MST1R: variants seen among roughly 807,000 people sequenced by gnomAD.
MST1R encodes the protein macrophage-stimulating protein receptor.
In MST1R, 99 loss-of-function variants were observed where a neutral mutation model predicts 117.8. The ratio of observed to expected loss-of-function variants is 0.84; its 90% CI spans 0.71 to 0.99. The LOEUF is 0.99. Among genes scored for constraint, MST1R ranks in the 50% least tolerant of loss-of-function variants. MST1R has a pLI of 0.00. For missense variants in MST1R, 1,683 were observed against 1,840.2 expected, an observed-to-expected ratio of 0.91 and a Z score of 1.56; for synonymous variants, 734 against 765.3, an observed-to-expected ratio of 0.96 and a Z score of 0.68.
At chr3:49,888,515 T>C (rs1409634704) in intron 19 of MST1R, among the ~76,000 whole-genome samples, 2 of 149,612 alleles carry the variant, frequency 1.3e-5, no homozygotes, top group East Asian at 3.9e-4. Context: ...GGTAGGAGAA[T>C]CACTTGAACC....
chr3:49,892,176 G>A (rs184415829), intron 14 of MST1R, among the ~76,000 whole-genome samples: 145 of 151,698 alleles, frequency 9.6e-4, no homozygotes, highest in Non-Finnish European at 1.9e-3. Flanking sequence ...ATGTTGGCCA[G>A]GCTGGTCTCA....
chr3:49,894,731 T>A (rs2082413172), intron 14 of MST1R, among the ~76,000 whole-genome samples: 1 of 151,746 alleles, frequency 6.6e-6, no homozygotes, highest in Non-Finnish European at 1.5e-5. Context: ...CTCAGAGAGG[T>A]TAAGTGGTAT....
At position 49,890,044 on chromosome 3, in the gene MST1R, A is replaced by G; in HGVS notation, c.3827T>C (p.Leu1276Pro). The change falls in exon 19 of 20, where the codon CTG becomes CCG. Residue 1276 changes from leucine to proline, a missense_variant. Physicochemically the swap from Leu to Pro is moderately conservative, Grantham distance 98 (BLOSUM62 -3). Coordinates refer to ENST00000296474, the MANE Select transcript of MST1R (RefSeq NM_002447.4). ...ACCCCGTGTCAGCAGTTCCCACAGC[A>G]GCACACCAAATGACCACTGTGGAAA... is the stretch of plus-strand genomic sequence containing the variant. ...TKSDVWSFGV[L>P]LWELLTRGAP... is the part of the protein sequence containing the mutation. 6.2e-7 allele frequency: 1 copy of G among 1,608,846 alleles called. No individual in the cohort carries two copies. Among genetic ancestry groups the G allele is most frequent in the Non-Finnish European group, 8.5e-7 (1 of 1,177,326 alleles).
In MST1R at chr3:49,903,086, G is replaced by A. The variant is rs751022406; in HGVS notation, c.524C>T (p.Pro175Leu). 2 of 1,607,694 alleles carry A rather than the reference G, an allele frequency of 1.2e-6. No individual in the cohort carries two copies. The highest frequency in any genetic ancestry group is 1.3e-5 in the African/African-American group (1 of 75,078). ...SAHHNRPDDC[P>L]DCVASPLGTR... ...GCCCAATGGGCTGGCCACACAGTCG[G>A]GGCAGTCATCGGGCCGGTTATGGTG... Residue 175 changes from proline to leucine, a missense_variant, in exon 1 of 20, where the codon CCC (proline) becomes CTC (leucine). Coordinates refer to ENST00000296474, the MANE Select transcript of MST1R (RefSeq NM_002447.4).
chr3:49,892,312 C>T (rs2082338925), intron 14 of MST1R, among the ~76,000 whole-genome samples: 1 of 151,724 alleles, frequency 6.6e-6, no homozygotes, highest in African/African-American at 2.4e-5. Flanking sequence ...GTGGCTCACA[C>T]CTGTAATGCC....
At chr3:49,902,166 A>G (rs1413345298) in intron 1 of MST1R, among the ~76,000 whole-genome samples, 4 of 152,184 alleles carry the variant, frequency 2.6e-5, no homozygotes, top group Non-Finnish European at 4.4e-5. Context: ...TGAGGCAGCC[A>G]CAAGGGCCAG....
chr3:49,898,759 C>T (rs1313576978), intron 3 of MST1R, 71 bp from the exon 4 acceptor site: 1 of 1,604,912 alleles, frequency 6.2e-7, no homozygotes, highest in African/African-American at 1.3e-5. Flanking sequence ...CCTCCCGGTA[C>T]ACAGTAGGCT....
rs1409583930 is a variant in MST1R, at chr3:49,891,472, T to C, written c.3461A>G (p.Glu1154Gly). Residue 1154 changes from glutamate to glycine, a missense_variant, in exon 16 of 20, where the codon GAG (glutamate) becomes GGG (glycine). Glu to Gly is a moderately conservative substitution (Grantham distance 98, BLOSUM62 -2). Transcript: ENST00000296474. Reference protein sequence around the residue: ...LALIGIMLPPEGLPHVLLPYM... With the variant: ...LALIGIMLPPGGLPHVLLPYM... ...GGGCAGCAGCACATGGGGCAGGCCC[T>C]CAGGTGGCAACATGATACCAATGAG... is the stretch of plus-strand genomic sequence containing the variant. The C allele has an allele frequency of 6.2e-7, 1 of 1,613,954 alleles. No homozygotes were observed. Among genetic ancestry groups the C allele is most frequent in the Non-Finnish European group, 8.5e-7 (1 of 1,180,014 alleles).
Position 49,896,876 on chromosome 3 carries a change from T to G in MST1R, c.2198A>C (p.Gln733Pro), listed in dbSNP as rs960893823. Reference protein sequence around the residue: ...ECLLARVSEGQLLCATPPGAT... With the variant: ...ECLLARVSEGPLLCATPPGAT... ...CCCAGGGGGTGTGGCACATAAAAGC[T>G]GCCCCTCACTGACCCTACAGGAACA... Residue 733 changes from glutamine (Q) to proline (P), a missense_variant, in exon 8 of 20, where the codon CAG becomes CCG. Physicochemically the swap from Gln to Pro is moderately conservative, Grantham distance 76 (BLOSUM62 -1). Coordinates refer to ENST00000296474, the MANE Select transcript of MST1R (RefSeq NM_002447.4). 14 of 1,523,506 alleles carry G rather than the reference T, an allele frequency of 9.2e-6. No individual in the cohort carries two copies. In the East Asian group the frequency reaches 3.4e-4, roughly 37 times the overall value. 94.4% of individuals were successfully genotyped at this position (1,523,506 alleles called of 1,614,324 possible).
chr3:49,896,623 T>C lies in MST1R; in HGVS notation c.2356A>G (p.Ile786Val), dbSNP rs745953203. The C allele has an allele frequency of 1.9e-6, 3 of 1,614,188 alleles. No homozygotes were observed. In the South Asian group the frequency reaches 3.3e-5, roughly 18 times the overall value. ...GTTAGATGCTGGCCACAGATGGTGATGTGGGAGTTGCTGTGGAAGAGGGTA... is the reference window on the plus strand; with the variant it reads ...GTTAGATGCTGGCCACAGATGGTGACGTGGGAGTTGCTGTGGAAGAGGGTA... ...SPNCGYINSH[I>V]TICGQHLTSA... Residue 786 changes from isoleucine (I) to valine (V), a missense_variant, in exon 9 of 20, where the codon ATC becomes GTC. Physicochemically the swap from Ile to Val is conservative, Grantham distance 29. Transcript: ENST00000296474.
At position 49,902,951 on chromosome 3, in the gene MST1R, C is replaced by T. The variant is rs749581478; in HGVS notation, c.659G>A (p.Arg220His). The change falls in exon 1 of 20, where the codon CGT becomes CAT. Residue 220 changes from arginine (R) to histidine (H), a missense_variant. Coordinates refer to ENST00000296474, the MANE Select transcript of MST1R (RefSeq NM_002447.4). ...SFSPRSVSIR[R>H]LKADASGFAP... is the part of the protein sequence containing the mutation. ...GAATCCCGAGGCGTCAGCCTTGAGA[C>T]GCCTGATAGACACTGAGCGTGGGCT... is the stretch of plus-strand genomic sequence containing the variant. 6 of 1,613,204 alleles carry T rather than the reference C, an allele frequency of 3.7e-6. No homozygotes were observed. Among genetic ancestry groups the T allele is most frequent in the East Asian group, 2.2e-5 (1 of 44,906 alleles).
chr3:49,893,312 T>C (rs1283274235), intron 14 of MST1R, among the ~76,000 whole-genome samples: 1 of 139,458 alleles, frequency 7.2e-6, no homozygotes, highest in East Asian at 2.1e-4. Context: ...AATAAATAAA[T>C]AAATAAATAG....
chr3:49,889,898 C>A, intron 19 of MST1R, 26 bp downstream of exon 19: 1 of 1,613,860 alleles, frequency 6.2e-7, no homozygotes, highest in African/African-American at 1.3e-5. Context: ...CCAGTTCCCT[C>A]CCCACTACCA....
intron 14 of MST1R, among the ~76,000 whole-genome samples, chr3:49,893,695 C>T (rs376182158): frequency 6.9e-6 from 1 of 145,170 alleles, no homozygotes; most frequent in Non-Finnish European, 1.5e-5. Context: ...GTCAGGAGAT[C>T]GAGACCATCC....
rs771748919 is a variant in MST1R at position 49,897,335 on chromosome 3, A to G, written c.2128T>C (p.Ser710Pro). The G allele has an allele frequency of 6.2e-7, 1 of 1,613,844 alleles. No individual in the cohort carries two copies. The highest frequency in any genetic ancestry group is 8.5e-7 in the Non-Finnish European group (1 of 1,179,960). Residue 710 changes from serine (S) to proline (P), a missense_variant, in exon 7 of 20, where the codon TCT becomes CCT. Physicochemically the swap from Ser to Pro is moderately conservative, Grantham distance 74. Coordinates refer to ENST00000296474, the MANE Select transcript of MST1R (RefSeq NM_002447.4). ...TCLTLEGQSLSVGTSRAVLVN... is the reference protein window; with the variant it reads ...TCLTLEGQSLPVGTSRAVLVN... The stretch of plus-strand genomic sequence containing the variant: ...AGCACAGCCCGGCTGGTGCCTACAG[A>G]CAGACTCTGGCCTTCAAGAGTGAGA...
intron 1 of MST1R, 185 bp from the exon 2 acceptor site, chr3:49,899,448 A>T (rs921010185): frequency 1.6e-6 from 1 of 608,616 alleles, no homozygotes; most frequent in Non-Finnish European, 2.8e-6. Flanking sequence ...TAGCAAGGGC[A>T]GGGAGAAGGC....
In MST1R at chr3:49,887,057, G is replaced by A; in HGVS notation, c.*250C>T. The stretch of plus-strand genomic sequence containing the variant: ...TTGGTTCAAGGGTCAGTGTTGGTGT[G>A]GTCACTGCTGAGTCCACTGTGCCCA... On this transcript the variant is annotated 3_prime_UTR_variant, in exon 20 of 20. Transcript: ENST00000296474. 3.4e-6 allele frequency: 2 copies of A among 585,674 alleles called. No individual in the cohort carries two copies. The highest frequency in any genetic ancestry group is 6.1e-6 in the Non-Finnish European group (2 of 328,816). The allele number at this position is 585,674 out of a possible 1,614,324, so 36.3% of individuals were successfully genotyped here. A position where few individuals can be genotyped will look rare whatever the true frequency, so the allele number is the denominator to read the frequency against.
chr3:49,889,840 G>C, intron 19 of MST1R, 84 bp downstream of exon 19: 1 of 1,545,460 alleles, frequency 6.5e-7, no homozygotes, highest in Non-Finnish European at 8.8e-7. Flanking sequence ...GTTCAGTCAG[G>C]AAGCCAGGCA....
In MST1R at chr3:49,903,372, C is replaced by G. The variant is rs890154467; in HGVS notation, c.238G>C (p.Val80Leu). The G allele has an allele frequency of 2.8e-5, 45 of 1,614,016 alleles. No individual in the cohort carries two copies. The highest frequency in any genetic ancestry group is 3.8e-5 in the Non-Finnish European group (45 of 1,180,026). Residue 80 changes from valine (V) to leucine (L), a missense_variant, in exon 1 of 20, where the codon GTG (valine) becomes CTG (leucine). Coordinates refer to ENST00000296474, the MANE Select transcript of MST1R (RefSeq NM_002447.4). ...VFVAIRNRLH[V>L]LGPDLKSVQS... ...ACAGACTTCAGGTCAGGCCCAAGCA[C>G]ATGCAGGCGATTGCGTATGGCTACA...
Sources: gnomAD v4.1 joint callset for allele counts (sites outside exome capture counted in the v4.1 genomes callset) on GRCh38, gnomAD v4.1.1 for gene constraint, MANE v1.5 for transcripts, NCBI Gene and HGNC (gene_info 2026-07-23, HGNC 2026-07-21) for gene names.